The following SLC6A17 variants were observed in gnomAD, a reference collection of about 807,000 sequenced individuals.
SLC6A17 encodes the protein sodium-dependent neutral amino acid transporter SLC6A17.
SLC6A17 carries 21 observed loss-of-function variants against 64.5 expected under a neutral mutation model. That is an observed-to-expected ratio of 0.33 (90% CI 0.23 to 0.47). The LOEUF is 0.47. Ranked by LOEUF, SLC6A17 falls within the 20% of genes least tolerant of loss-of-function variation. The pLI is 1.00. For missense variants in SLC6A17, 682 were observed against 963.2 expected, an observed-to-expected ratio of 0.71 and a Z score of 3.86; for synonymous variants, 372 against 399.5, an observed-to-expected ratio of 0.93 and a Z score of 0.82.
rs766461435 is a variant in SLC6A17, at chr1:110,198,060, G to C, written c.1816-16G>C. ...TCACAGTGCCGGCAGCAGCCCTTAA[G>C]GCAGCCCACCCGCAGGCTGCCGAGC... On this transcript the variant is annotated splice_polypyrimidine_tract_variant and intron_variant, in intron 11 of 11. Coordinates refer to ENST00000331565, the MANE Select transcript of SLC6A17 (RefSeq NM_001010898.4). 6.2e-7 allele frequency: 1 copy of C among 1,600,212 alleles called. No homozygotes were observed. Among genetic ancestry groups the C allele is most frequent in the South Asian group, 1.1e-5 (1 of 89,076 alleles).
At chr1:110,159,491 A>G (rs1655845280) in intron 1 of SLC6A17, among the ~76,000 whole-genome samples, 1 of 152,138 alleles carries the variant, frequency 6.6e-6, no homozygotes, top group African/African-American at 2.4e-5. Context: ...GACTCAGCAA[A>G]TGCAACAGGA....
At chr1:110,177,234 C>T (rs1656398987) in intron 6 of SLC6A17, among the ~76,000 whole-genome samples, 1 of 152,134 alleles carries the variant, frequency 6.6e-6, no homozygotes, top group Admixed American at 6.5e-5. Context: ...CCCTTGTACC[C>T]AAATCAGAGG....
At chr1:110,167,408 A>G (rs570873783) in intron 2 of SLC6A17, among the ~76,000 whole-genome samples, 193 bp downstream of exon 2, 4 of 152,296 alleles carry the variant, frequency 2.6e-5, no homozygotes, top group African/African-American at 9.6e-5. Context: ...ACATGATAAG[A>G]AAGTGGGCTC....
intron 1 of SLC6A17, among the ~76,000 whole-genome samples, chr1:110,158,551 C>T (rs569736334): frequency 4.6e-5 from 7 of 152,356 alleles, no homozygotes; most frequent in African/African-American, 7.2e-5. Context: ...CTGAGTTGAG[C>T]ATAACTCTTT....
chr1:110,166,137 T>C (rs1656047208), intron 1 of SLC6A17: 1 of 152,244 alleles, frequency 6.6e-6, no homozygotes. Context: ...TGCTGAGCAA[T>C]GACCCAAGAT....
At chr1:110,189,289 CCAT>C (rs1656765948) in intron 6 of SLC6A17, among the ~76,000 whole-genome samples, 2 of 152,322 alleles carry the variant, frequency 1.3e-5, no homozygotes, top group African/African-American at 4.8e-5. Flanking sequence ...CTGCCCAACA[CCAT>C]CAACCTGTTC....
At chr1:110,173,581 G>C (rs1656296615) in intron 3 of SLC6A17, among the ~76,000 whole-genome samples, 1 of 152,180 alleles carries the variant, frequency 6.6e-6, no homozygotes, top group African/African-American at 2.4e-5. Flanking sequence ...GTTTACCATA[G>C]GGGCCAAAGC....
chr1:110,197,875 TTTTATAGTAGGAGAAACCACCC>T (rs1284895323), intron 11 of SLC6A17, among the ~76,000 whole-genome samples, 179 bp from the exon 12 acceptor site: 1 of 152,180 alleles, frequency 6.6e-6, no homozygotes, highest in African/African-American at 2.4e-5. Context: ...AATTAGTCCA[TTTTATAGTAGGAGAAACCACCC>T]TAGACCCTTT....
chr1:110,153,937 T>G (rs926315053), intron 1 of SLC6A17, among the ~76,000 whole-genome samples: 2 of 152,152 alleles, frequency 1.3e-5, no homozygotes, highest in Non-Finnish European at 2.9e-5. Flanking sequence ...CCCTGAATGA[T>G]GTTGCTGGCT....
At chr1:110,195,878 T>G (rs1313334295) in intron 10 of SLC6A17, 133 bp downstream of exon 10, 10 of 1,323,356 alleles carry the variant, frequency 7.6e-6, no homozygotes, top group Non-Finnish European at 9.3e-6. Context: ...GAAACTGAGG[T>G]GTAGTGCAAG....
At chr1:110,167,648 C>T (rs999741405) in intron 2 of SLC6A17, among the ~76,000 whole-genome samples, 26 of 152,334 alleles carry the variant, frequency 1.7e-4, no homozygotes, top group Middle Eastern at 3.4e-3. Context: ...TTATGAGGTA[C>T]TAGGCACTGT....
At position 110,198,506 on chromosome 1, in the gene SLC6A17, G is replaced by T. The variant is rs142074993; in HGVS notation, c.*62G>T. ...TCAACCTGCCCACTTGTCCAGGCCT[G>T]GCCTCTTTCTTGAGGTGGCCACCAG... On this transcript the variant is annotated 3_prime_UTR_variant, in exon 12 of 12. Coordinates refer to ENST00000331565, the MANE Select transcript of SLC6A17 (RefSeq NM_001010898.4). 4.6e-5 allele frequency: 71 copies of T among 1,544,838 alleles called. No individual in the cohort carries two copies. The East Asian group carries it at 1.6e-3, about 34-fold the overall frequency.
At position 110,199,836 on chromosome 1, in the gene SLC6A17, GA is replaced by G. The variant is rs1657072575; in HGVS notation, c.*1393del. ...CCTGACCCAAGAGTAAATGTCTGCA[GA>G]GAGATGGATGGATGGATGGATAGAT... On this transcript the variant is annotated 3_prime_UTR_variant, in exon 12 of 12. Coordinates refer to ENST00000331565, the MANE Select transcript of SLC6A17 (RefSeq NM_001010898.4). 1 of 395,824 alleles carries G rather than the reference GA, an allele frequency of 2.5e-6. No homozygotes were observed. Among genetic ancestry groups the G allele is most frequent in the Non-Finnish European group, 4.4e-6 (1 of 225,282 alleles). The allele number at this position is 395,824 out of a possible 1,614,324, so 24.5% of individuals were successfully genotyped here. A position where few individuals can be genotyped will look rare whatever the true frequency, so the allele number is the denominator to read the frequency against.
chr1:110,155,279 C>T (rs1424761907), intron 1 of SLC6A17, among the ~76,000 whole-genome samples: 2 of 152,188 alleles, frequency 1.3e-5, no homozygotes, highest in Non-Finnish European at 2.9e-5. Flanking sequence ...TCTCCTCCTC[C>T]CATGAGTGAT....
intron 9 of SLC6A17, 80 bp downstream of exon 9, chr1:110,194,851 T>C: frequency 6.4e-7 from 1 of 1,552,684 alleles, no homozygotes; most frequent in Non-Finnish European, 8.7e-7. Context: ...TCTGACTGGG[T>C]CCTTCATGAC....
At chr1:110,173,894 TGC>T in intron 3 of SLC6A17, 77 bp from the exon 4 acceptor site, 3 of 1,508,846 alleles carry the variant, frequency 2.0e-6, no homozygotes, top group Non-Finnish European at 2.7e-6. Context: ...GCTGCCGACG[TGC>T]TGGGCCTCGG....
At chr1:110,175,261 G>A (rs761607675) in intron 5 of SLC6A17, among the ~76,000 whole-genome samples, 11 of 152,206 alleles carry the variant, frequency 7.2e-5, no homozygotes, top group African/African-American at 1.9e-4. Flanking sequence ...ACCCAGGGAC[G>A]TCTGTCTAGA....
At chr1:110,180,011 G>T (rs1656480258) in intron 6 of SLC6A17, among the ~76,000 whole-genome samples, 1 of 152,190 alleles carries the variant, frequency 6.6e-6, no homozygotes, top group Non-Finnish European at 1.5e-5. Context: ...TACTTGGGAG[G>T]CTGAGGTGGG....
At chr1:110,165,517 G>A (rs867079341) in intron 1 of SLC6A17, among the ~76,000 whole-genome samples, 3 of 152,200 alleles carry the variant, frequency 2.0e-5, no homozygotes, top group African/African-American at 4.8e-5. Flanking sequence ...GAGGGCAGCA[G>A]GTGTCACCTG....
Sources: allele counts gnomAD v4.1 joint callset (sites outside exome capture counted in the v4.1 genomes callset), GRCh38; gene constraint gnomAD v4.1.1; transcripts MANE v1.5; gene names NCBI Gene and HGNC (gene_info 2026-07-23, HGNC 2026-07-21).